Variants in ZEB1 observed in about 807,000 individuals in gnomAD.
ZEB1 encodes zinc finger E-box-binding homeobox 1.
ZEB1 carries 21 observed loss-of-function variants against 84.9 expected under a neutral mutation model. The observed-to-expected ratio is 0.25, with a 90% CI of 0.18 to 0.36. The LOEUF is 0.36. Among genes scored for constraint, ZEB1 ranks in the 10% least tolerant of loss-of-function variants. The probability of loss-of-function intolerance (pLI) is 1.00; values close to 1 mark genes in which losing one functional copy is unlikely to be tolerated. For synonymous variants in ZEB1, 420 were observed against 471.1 expected, an observed-to-expected ratio of 0.89 and a Z score of 1.41; for missense variants, 1,104 against 1,330.2, an observed-to-expected ratio of 0.83 and a Z score of 2.65.
intron 1 of ZEB1, among the ~76,000 whole-genome samples, chr10:31,396,847 G>T (rs760489833): frequency 6.6e-6 from 1 of 152,068 alleles, no homozygotes; most frequent in Non-Finnish European, 1.5e-5. Context: ...CAGTATCCAT[G>T]GATAGGCTTC....
chr10:31,423,242 T>C (rs999724902), intron 1 of ZEB1, among the ~76,000 whole-genome samples: 1 of 152,126 alleles, frequency 6.6e-6, no homozygotes, highest in Non-Finnish European at 1.5e-5. Flanking sequence ...GTTTTCTCTA[T>C]GGTCAACCAT....
At chr10:31,410,045 G>A (rs1363046745) in intron 1 of ZEB1, among the ~76,000 whole-genome samples, 5 of 152,180 alleles carry the variant, frequency 3.3e-5, no homozygotes, top group Admixed American at 1.3e-4. Context: ...CCAATACTAT[G>A]TTGAATAGGA....
At chr10:31,478,034 C>T (rs2064491929) in intron 2 of ZEB1, among the ~76,000 whole-genome samples, 2 of 151,778 alleles carry the variant, frequency 1.3e-5, no homozygotes, top group South Asian at 4.2e-4. Context: ...AACCAAAAAG[C>T]CTGTTCACAG....
At chr10:31,474,547 A>G (rs1368483545) in intron 2 of ZEB1, among the ~76,000 whole-genome samples, 6 of 152,156 alleles carry the variant, frequency 3.9e-5, no homozygotes, top group Non-Finnish European at 8.8e-5. Context: ...CAATCATTAA[A>G]AAGTCAGGAA....
chr10:31,369,152 A>G (rs1456873000), intron 1 of ZEB1, among the ~76,000 whole-genome samples: 1 of 152,208 alleles, frequency 6.6e-6, no homozygotes, highest in Non-Finnish European at 1.5e-5. Context: ...GTTTTGATAT[A>G]TGTATACAGT....
intron 1 of ZEB1, among the ~76,000 whole-genome samples, chr10:31,328,534 C>T (rs1315234074): frequency 1.3e-5 from 2 of 151,934 alleles, no homozygotes; most frequent in Non-Finnish European, 2.9e-5. Context: ...ATGTAACTAC[C>T]ATCTGAAAGG....
intron 1 of ZEB1, among the ~76,000 whole-genome samples, chr10:31,416,990 G>A (rs921845386): frequency 3.3e-5 from 5 of 152,080 alleles, no homozygotes; most frequent in African/African-American, 1.2e-4. Context: ...TACCACATCA[G>A]CATCCATGCT....
chr10:31,454,230 C>G (rs1005978511), intron 1 of ZEB1, among the ~76,000 whole-genome samples: 1 of 152,154 alleles, frequency 6.6e-6, no homozygotes, highest in Non-Finnish European at 1.5e-5. Flanking sequence ...TAGAAACTCT[C>G]CACGAGCTCT....
At chr10:31,428,998 G>T (rs1317092750) in intron 1 of ZEB1, among the ~76,000 whole-genome samples, 2 of 152,130 alleles carry the variant, frequency 1.3e-5, no homozygotes, top group African/African-American at 2.4e-5. Context: ...CATACCATTG[G>T]ATCTTGGTTT....
rs183319360 is a variant in ZEB1, at chr10:31,514,506, C to T, written c.688-97C>T. On this transcript the variant is annotated intron_variant, in intron 5 of 8. Transcript: ENST00000424869. Reference sequence around the variant, plus strand: ...TCTTTAAGAAACAAAACAAAACAACCATCAGGCTCACAAAAATGTCACTCT... The same window carrying T: ...TCTTTAAGAAACAAAACAAAACAACTATCAGGCTCACAAAAATGTCACTCT... The T allele has an allele frequency of 4.3e-5, 46 of 1,070,840 alleles. No individual in the cohort carries two copies. The African/African-American group carries it at 6.6e-4, about 15-fold the overall frequency. 66.3% of individuals were successfully genotyped at this position (1,070,840 alleles called of 1,614,324 possible). A position where few individuals can be genotyped will look rare whatever the true frequency, so the allele number is the denominator to read the frequency against.
chr10:31,476,961 A>G (rs1265344274), intron 2 of ZEB1, among the ~76,000 whole-genome samples: 1 of 152,104 alleles, frequency 6.6e-6, no homozygotes, highest in African/African-American at 2.4e-5. Context: ...ATCATATTGA[A>G]TGGGGAAACG....
intron 2 of ZEB1, among the ~76,000 whole-genome samples, chr10:31,480,880 T>A (rs1258833842): frequency 1.3e-5 from 2 of 152,132 alleles, no homozygotes; most frequent in African/African-American, 4.8e-5. Flanking sequence ...AATAGTTTTA[T>A]TACTGTTGGT....
At chr10:31,331,287 C>T (rs973367041) in intron 1 of ZEB1, among the ~76,000 whole-genome samples, 18 of 151,648 alleles carry the variant, frequency 1.2e-4, no homozygotes, top group African/African-American at 3.4e-4. Context: ...GGGGTTTCAC[C>T]GTGTTAGCCA....
At chr10:31,460,002 TA>T (rs2061645465) in intron 1 of ZEB1, among the ~76,000 whole-genome samples, 1 of 151,952 alleles carries the variant, frequency 6.6e-6, no homozygotes, top group Non-Finnish European at 1.5e-5. Context: ...GTTATCTAAA[TA>T]AAGTGAAGCT....
rs184393787 is a variant in ZEB1, at chr10:31,351,667, T to A, written c.58+32375T>A. ...TTGATAATGTCACTACTGGAAATTA[T>A]GTTTATCCTTCATAAATTAACTAAT... On this transcript the variant is annotated intron_variant, in intron 1 of 8. Transcript: ENST00000424869. Among the ~76,000 whole-genome samples, 5 of 152,308 alleles carry A rather than the reference T, an allele frequency of 3.3e-5. No homozygotes were observed. The East Asian group carries it at 7.7e-4, about 23-fold the overall frequency.
intron 2 of ZEB1, among the ~76,000 whole-genome samples, chr10:31,483,454 A>T (rs1219129936): frequency 6.6e-6 from 1 of 152,008 alleles, no homozygotes; most frequent in African/African-American, 2.4e-5. Context: ...AAAAATACAT[A>T]TACATTAAAT....
intron 1 of ZEB1, among the ~76,000 whole-genome samples, chr10:31,325,475 A>T (rs1005959019): frequency 6.6e-6 from 1 of 151,996 alleles, no homozygotes; most frequent in Non-Finnish European, 1.5e-5. Flanking sequence ...TTCTCCTCCT[A>T]ATCAACATTA....
intron 1 of ZEB1, among the ~76,000 whole-genome samples, chr10:31,431,292 C>G (rs563252742): frequency 6.6e-6 from 1 of 152,312 alleles, no homozygotes; most frequent in Non-Finnish European, 1.5e-5. Flanking sequence ...CCTTGCCTGC[C>G]AGGGAGCATT....
At chr10:31,453,378 T>A (rs891913441) in intron 1 of ZEB1, among the ~76,000 whole-genome samples, 5 of 152,182 alleles carry the variant, frequency 3.3e-5, no homozygotes, top group African/African-American at 1.2e-4. Context: ...CTATTCCAAG[T>A]CACAATAAAT....
Sources: allele counts gnomAD v4.1 joint callset (sites outside exome capture counted in the v4.1 genomes callset), GRCh38; gene constraint gnomAD v4.1.1; transcripts MANE v1.5; gene names NCBI Gene and HGNC (gene_info 2026-07-23, HGNC 2026-07-21).